Variants in ESRRG observed in about 807,000 individuals in gnomAD.
The protein encoded by ESRRG is estrogen-related receptor gamma.
In ESRRG, 13 loss-of-function variants were observed where a neutral mutation model predicts 44.0. That is an observed-to-expected ratio of 0.30 (90% confidence interval 0.19 to 0.47). ESRRG has a LOEUF of 0.47. Ranked by LOEUF, ESRRG falls within the 20% of genes least tolerant of loss-of-function variation. The pLI, the probability that ESRRG is intolerant of heterozygous loss-of-function variation, is 1.00. For missense variants in ESRRG, 395 were observed against 580.6 expected (o/e 0.68, Z 3.29); for synonymous variants, 215 against 214.6 (o/e 1.00, Z -0.02).
intron 2 of ESRRG, among the ~76,000 whole-genome samples, chr1:216,926,771 C>G (rs1210921892): frequency 2.0e-5 from 3 of 152,106 alleles, no homozygotes; most frequent in Admixed American, 6.5e-5. Flanking sequence ...CTGAAGGTAG[C>G]AGTGTAGGTG....
At chr1:216,914,477 ACT>A (rs889255673) in intron 2 of ESRRG, among the ~76,000 whole-genome samples, 7 of 152,064 alleles carry the variant, frequency 4.6e-5, no homozygotes, top group East Asian at 3.9e-4. Context: ...TGGCCCTGCA[ACT>A]CTCTAAAAAT....
At chr1:217,013,082 T>C (rs2078864397) in intron 1 of ESRRG, among the ~76,000 whole-genome samples, 1 of 152,216 alleles carries the variant, frequency 6.6e-6, no homozygotes, top group African/African-American at 2.4e-5. Flanking sequence ...AGGATAATCC[T>C]GGATTGGAGC....
At position 216,910,831 on chromosome 1, in the gene ESRRG, C is replaced by A. The variant is rs961200967; in HGVS notation, c.-14+28751G>T. ...CCTGTGTACATTGATAAGAATTGGA[C>A]TCTGAAAAGATGAATTGCAAAGATC... is the stretch of plus-strand genomic sequence containing the variant. On this transcript the variant is annotated intron_variant, in intron 2 of 7. Transcript: ENST00000359162. Among the ~76,000 whole-genome samples the A allele has an allele frequency of 1.2e-4, 18 of 152,268 alleles. No individual in the cohort carries two copies. In the East Asian group the frequency reaches 3.3e-3, roughly 28 times the overall value.
intron 2 of ESRRG, among the ~76,000 whole-genome samples, chr1:216,870,593 C>T (rs2576246): frequency 0.5 from 75,183 of 151,230 alleles, 21,492 homozygotes; most frequent in African/African-American, 0.8. Context: ...TTATTTCTTC[C>T]ATAATAGTTT....
intron 2 of ESRRG, among the ~76,000 whole-genome samples, chr1:216,934,773 A>G (rs181910462): frequency 6.2e-4 from 95 of 152,244 alleles, no homozygotes; most frequent in Non-Finnish European, 1.1e-3. Context: ...ATCACAGCCA[A>G]ACCATATCCA....
chr1:216,832,598 T>A (rs2095503558), intron 2 of ESRRG, among the ~76,000 whole-genome samples: 1 of 152,168 alleles, frequency 6.6e-6, no homozygotes, highest in Admixed American at 6.5e-5. Context: ...AACTGGCCCA[T>A]CTGGTGGTGC....
At chr1:216,852,541 C>T (rs2095857624) in intron 2 of ESRRG, among the ~76,000 whole-genome samples, 1 of 152,086 alleles carries the variant, frequency 6.6e-6, no homozygotes, top group African/African-American at 2.4e-5. Context: ...AAATTGTAAA[C>T]TCCTGAAAGG....
chr1:217,123,899 C>T (rs554464228), intron 1 of ESRRG, among the ~76,000 whole-genome samples: 3 of 151,920 alleles, frequency 2.0e-5, no homozygotes, highest in South Asian at 4.2e-4. Flanking sequence ...GCACATGTAC[C>T]CCAGAGCTTA....
chr1:216,945,065 T>C (rs2065851993), intron 1 of ESRRG, among the ~76,000 whole-genome samples: 1 of 152,154 alleles, frequency 6.6e-6, no homozygotes, highest in African/African-American at 2.4e-5. Flanking sequence ...CAGCTTATAA[T>C]TAATAGCTCC....
intron 2 of ESRRG, among the ~76,000 whole-genome samples, chr1:216,816,967 C>G (rs566962694): frequency 6.6e-6 from 1 of 152,062 alleles, no homozygotes; most frequent in African/African-American, 2.4e-5. Context: ...AAAACACTGA[C>G]CGCCTTCTTT....
At chr1:216,522,105 G>A (rs890667919) in intron 5 of ESRRG, among the ~76,000 whole-genome samples, 22 of 151,866 alleles carry the variant, frequency 1.4e-4, no homozygotes, top group African/African-American at 4.6e-4. Flanking sequence ...TTTTAAAGTT[G>A]ATCCTGCAAT....
At chr1:217,074,223 A>G (rs2090970308) in intron 1 of ESRRG, among the ~76,000 whole-genome samples, 2 of 151,588 alleles carry the variant, frequency 1.3e-5, no homozygotes, top group Non-Finnish European at 2.9e-5. Flanking sequence ...AATTTTTTGT[A>G]TTTTTAGTAG....
intron 3 of ESRRG, among the ~76,000 whole-genome samples, chr1:216,611,187 G>C (rs1375904127): frequency 2.6e-5 from 2 of 77,116 alleles, no homozygotes; most frequent in Admixed American, 2.0e-4. Context: ...TGGGCAATAA[G>C]AGCCAAAAGT....
intron 2 of ESRRG, among the ~76,000 whole-genome samples, chr1:216,850,770 A>T (rs1433183159): frequency 6.6e-6 from 1 of 152,042 alleles, no homozygotes. Flanking sequence ...AATAAGATTG[A>T]TGATATTGAT....
intron 1 of ESRRG, among the ~76,000 whole-genome samples, chr1:217,127,982 G>A (rs1338657192): frequency 2.6e-5 from 4 of 152,110 alleles, no homozygotes; most frequent in Non-Finnish European, 4.4e-5. Flanking sequence ...TTTCCCTTGG[G>A]ATCCCTCAGA....
At chr1:216,873,919 AAGGGAAGGGAAGGGAAG>A (rs2096300850) in intron 2 of ESRRG, among the ~76,000 whole-genome samples, 1 of 82,028 alleles carries the variant, frequency 1.2e-5, no homozygotes, top group African/African-American at 5.2e-5. Flanking sequence ...AAGGGAAGGG[AAGGGAAGGGAAGGGAAG>A]GGAAGGGAAG....
chr1:217,030,056 C>T (rs142409114), intron 1 of ESRRG, among the ~76,000 whole-genome samples: 2,112 of 152,280 alleles, frequency 0.014, 20 homozygotes, highest in Middle Eastern at 0.065. Flanking sequence ...CTAGATTCCA[C>T]CTTCTACTGG....
chr1:216,626,505 G>A (rs550959650), intron 3 of ESRRG, among the ~76,000 whole-genome samples: 15 of 152,200 alleles, frequency 9.9e-5, no homozygotes, highest in African/African-American at 3.6e-4. Flanking sequence ...TTCCAACTCA[G>A]TACTTCAAAA....
At chr1:216,764,083 C>T (rs2092942044) in intron 2 of ESRRG, among the ~76,000 whole-genome samples, 2 of 152,182 alleles carry the variant, frequency 1.3e-5, no homozygotes, top group African/African-American at 2.4e-5. Flanking sequence ...GTTAATCACA[C>T]AAATTTCTGT....
Sources: gnomAD v4.1 joint callset for allele counts (sites outside exome capture counted in the v4.1 genomes callset) on GRCh38, gnomAD v4.1.1 for gene constraint, MANE v1.5 for transcripts, NCBI Gene and HGNC (gene_info 2026-07-23, HGNC 2026-07-21) for gene names.